The following SKAP1 variants were observed in gnomAD, a reference collection of about 807,000 sequenced individuals.
The protein encoded by SKAP1 is src kinase associated phosphoprotein 1.
Under a neutral mutation model 58.5 loss-of-function variants are expected in SKAP1, and 44 were observed. The observed-to-expected ratio is 0.75, with a 90% confidence interval of 0.59 to 0.97. The LOEUF is 0.97. Among genes scored for constraint, SKAP1 ranks in the 50% least tolerant of loss-of-function variants. SKAP1 has a pLI of 0.00. For missense variants in SKAP1, 390 were observed against 435.2 expected (o/e 0.90, Z 0.92); for synonymous variants, 127 against 149.7 (o/e 0.85, Z 1.11).
intron 11 of SKAP1, among the ~76,000 whole-genome samples, chr17:48,159,157 GAAAAC>G (rs889238851): frequency 2.6e-5 from 4 of 152,088 alleles, no homozygotes; most frequent in African/African-American, 9.7e-5. Context: ...TATGAGAACT[GAAAAC>G]AAAAGAGCTG....
chr17:48,213,371 C>G (rs1012628473), intron 4 of SKAP1, among the ~76,000 whole-genome samples: 2 of 131,024 alleles, frequency 1.5e-5, no homozygotes, highest in African/African-American at 5.5e-5. Context: ...AAAAAAAAAG[C>G]TGTACTGTTG....
intron 4 of SKAP1, among the ~76,000 whole-genome samples, chr17:48,232,878 ACTACAGAACTTCAGC>A (rs1164548559): frequency 3.3e-5 from 5 of 152,212 alleles, no homozygotes; most frequent in Non-Finnish European, 5.9e-5. Context: ...ATAATGATTA[ACTACAGAACTTCAGC>A]CTACAAAACC....
intron 11 of SKAP1, among the ~76,000 whole-genome samples, chr17:48,144,225 T>C (rs955948779): frequency 6.6e-6 from 1 of 152,178 alleles, no homozygotes; most frequent in African/African-American, 2.4e-5. Flanking sequence ...TCTGACTGTC[T>C]TTTCCAGATT....
intron 2 of SKAP1, among the ~76,000 whole-genome samples, chr17:48,392,568 A>G (rs1157269200): frequency 2.6e-5 from 4 of 151,858 alleles, no homozygotes; most frequent in African/African-American, 9.7e-5. Context: ...TAATAAAAAT[A>G]TTCTATTTTT....
chr17:48,215,868 C>T (rs1394485367), intron 4 of SKAP1, among the ~76,000 whole-genome samples: 1 of 152,148 alleles, frequency 6.6e-6, no homozygotes, highest in Non-Finnish European at 1.5e-5. Context: ...CCTTTCCTTT[C>T]ACTGTGTAAG....
intron 4 of SKAP1, among the ~76,000 whole-genome samples, chr17:48,229,325 A>G (rs1201210534): frequency 1.3e-5 from 2 of 152,166 alleles, no homozygotes; most frequent in Admixed American, 6.5e-5. Context: ...TTTTGTCATC[A>G]TAAAACATTT....
At chr17:48,202,839 C>T (rs2064746265) in intron 4 of SKAP1, among the ~76,000 whole-genome samples, 1 of 152,178 alleles carries the variant, frequency 6.6e-6, no homozygotes, top group Non-Finnish European at 1.5e-5. Flanking sequence ...CTATAGAGAC[C>T]TATATTTCCC....
intron 4 of SKAP1, among the ~76,000 whole-genome samples, chr17:48,310,920 C>T (rs2066214376): frequency 6.6e-6 from 1 of 152,160 alleles, no homozygotes; most frequent in Non-Finnish European, 1.5e-5. Flanking sequence ...CACACATCAA[C>T]ACTGAAACTA....
At chr17:48,263,328 C>T (rs1316986624) in intron 4 of SKAP1, among the ~76,000 whole-genome samples, 2 of 152,196 alleles carry the variant, frequency 1.3e-5, no homozygotes, top group Non-Finnish European at 2.9e-5. Context: ...AAACTACTTC[C>T]ATTCCCATCT....
intron 4 of SKAP1, among the ~76,000 whole-genome samples, chr17:48,235,254 G>A (rs1567832023): frequency 6.6e-6 from 1 of 150,504 alleles, no homozygotes; most frequent in African/African-American, 2.4e-5. Flanking sequence ...AGATAGGGAG[G>A]TGGCAGAGAT....
chr17:48,371,959 T>C (rs1299519348), intron 2 of SKAP1, among the ~76,000 whole-genome samples: 1 of 152,156 alleles, frequency 6.6e-6, no homozygotes, highest in Non-Finnish European at 1.5e-5. Context: ...TATACACATA[T>C]ACATATGCAT....
At chr17:48,419,590 T>A (rs923730945) in intron 1 of SKAP1, among the ~76,000 whole-genome samples, 19 of 152,050 alleles carry the variant, frequency 1.2e-4, no homozygotes, top group Non-Finnish European at 2.9e-5. Context: ...GCCAGAAAAG[T>A]TATTTTTAAA....
chr17:48,343,444 T>C (rs1553753), intron 4 of SKAP1, among the ~76,000 whole-genome samples: 50,757 of 152,066 alleles, frequency 0.33, 9,170 homozygotes, highest in African/African-American at 0.47. Context: ...TTCAATGCTT[T>C]GCAGAAACTC....
Position 48,374,035 on chromosome 17 carries a change from C to T in SKAP1, c.153-10221G>A, listed in dbSNP as rs116426044. On this transcript the variant is annotated intron_variant, in intron 2 of 12. Coordinates refer to ENST00000336915, the MANE Select transcript of SKAP1 (RefSeq NM_003726.4). ...CTTAAGGACATCCAAATTTGAACTT[C>T]TCTTTTTTGTTGTTTTTGAGACAGG... Among the ~76,000 whole-genome samples the T allele has an allele frequency of 3.2e-3, 490 of 152,072 alleles. 3 individuals are homozygous for T. The highest frequency in any genetic ancestry group is 0.011 in the African/African-American group (461 of 41,488).
chr17:48,313,678 A>G (rs984296884), intron 4 of SKAP1, among the ~76,000 whole-genome samples: 2 of 152,240 alleles, frequency 1.3e-5, no homozygotes, highest in South Asian at 2.1e-4. Flanking sequence ...AGTGGAAACT[A>G]GAAAGTTCCC....
chr17:48,422,937 C>T lies in SKAP1; in HGVS notation c.46+7138G>A, dbSNP rs148506021. 4.9e-4 allele frequency among the ~76,000 whole-genome samples: 75 copies of T among 152,060 alleles called. 1 individual carries two copies. Among genetic ancestry groups the T allele is most frequent in the Admixed American group, 1.3e-3 (20 of 15,282 alleles). On this transcript the variant is annotated intron_variant, in intron 1 of 12. Transcript: ENST00000336915. ...AGATGAGACAGTAAAAAAGATGAAACAGAGAGAGCATATCAGGAGTCCAAT... is the reference window on the plus strand; with the variant it reads ...AGATGAGACAGTAAAAAAGATGAAATAGAGAGAGCATATCAGGAGTCCAAT...
chr17:48,352,852 T>C (rs2066819864), intron 3 of SKAP1, among the ~76,000 whole-genome samples: 1 of 152,238 alleles, frequency 6.6e-6, no homozygotes, highest in African/African-American at 2.4e-5. Context: ...TACTAAGCTC[T>C]TGTTCTAATC....
intron 2 of SKAP1, among the ~76,000 whole-genome samples, chr17:48,367,284 A>C (rs558899102): frequency 2.6e-5 from 4 of 152,222 alleles, no homozygotes; most frequent in East Asian, 3.9e-4. Flanking sequence ...ATTCCTGGTA[A>C]TACTATAATT....
intron 4 of SKAP1, among the ~76,000 whole-genome samples, chr17:48,258,523 G>C (rs1368365962): frequency 6.6e-6 from 1 of 152,058 alleles, no homozygotes; most frequent in Non-Finnish European, 1.5e-5. Context: ...ATGTTAACAA[G>C]ATTTATATAC....
Sources: allele counts gnomAD v4.1 joint callset (sites outside exome capture counted in the v4.1 genomes callset), GRCh38; gene constraint gnomAD v4.1.1; transcripts MANE v1.5; gene names NCBI Gene and HGNC (gene_info 2026-07-23, HGNC 2026-07-21).